The following DDAH1 variants were observed in gnomAD, a reference collection of about 807,000 sequenced individuals.
DDAH1 encodes N(G),N(G)-dimethylarginine dimethylaminohydrolase 1.
A neutral mutation model predicts 28.8 loss-of-function variants in DDAH1; 19 were observed. The observed-to-expected ratio is 0.66, with a 90% confidence interval of 0.46 to 0.97. DDAH1 has a LOEUF of 0.97. Ranked by LOEUF, DDAH1 falls within the 50% of genes least tolerant of loss-of-function variation. The pLI is 0.00. For missense variants in DDAH1, 326 were observed against 375.9 expected (o/e 0.87, Z 1.10); for synonymous variants, 153 against 154.4 (o/e 0.99, Z 0.07).
intron 1 of DDAH1, among the ~76,000 whole-genome samples, chr1:85,371,101 T>C (rs976934731): frequency 2.0e-5 from 3 of 152,188 alleles, no homozygotes; most frequent in African/African-American, 7.2e-5. Flanking sequence ...TGTTGCGAAG[T>C]TTGGTAGCTG....
intron 4 of DDAH1, among the ~76,000 whole-genome samples, chr1:85,326,727 A>G (rs1180463615): frequency 2.0e-5 from 3 of 152,212 alleles, no homozygotes; most frequent in African/African-American, 7.2e-5. Context: ...TAGGTAAAGG[A>G]CTTAACTGGA....
intron 4 of DDAH1, among the ~76,000 whole-genome samples, chr1:85,339,849 A>G (rs554374684): frequency 6.6e-6 from 1 of 152,300 alleles, no homozygotes; most frequent in Admixed American, 6.5e-5. Flanking sequence ...TCCTCCTTCC[A>G]GCTCAACTGA....
chr1:85,471,738 G>C (rs1235406177), intron 2 of DDAH1, among the ~76,000 whole-genome samples: 1 of 152,178 alleles, frequency 6.6e-6, no homozygotes, highest in Non-Finnish European at 1.5e-5. Context: ...CTTCAAATGA[G>C]ATAACATAAA....
In DDAH1 at chr1:85,363,910, T is replaced by A. The variant is rs1378470873; in HGVS notation, c.304-5063A>T. Among the ~76,000 whole-genome samples, 6 of 151,740 alleles carry A rather than the reference T, an allele frequency of 4.0e-5. No homozygotes were observed. In the East Asian group the frequency reaches 1.2e-3, roughly 29 times the overall value. On this transcript the variant is annotated intron_variant, in intron 1 of 5. Coordinates refer to ENST00000284031, the MANE Select transcript of DDAH1 (RefSeq NM_012137.4). The stretch of plus-strand genomic sequence containing the variant: ...CAAATATTTGGTGGATGTCAACTTT[T>A]TTTTTTTTTTTTTTCAAATCAGGCT...
chr1:85,572,620 C>T (rs779877595), intron 1 of DDAH1, among the ~76,000 whole-genome samples: 1 of 152,218 alleles, frequency 6.6e-6, no homozygotes, highest in African/African-American at 2.4e-5. Context: ...GCCCAGGCCC[C>T]ATAGATGCTT....
intron 1 of DDAH1, among the ~76,000 whole-genome samples, chr1:85,570,363 G>GACACACACACAC (rs1557770693): frequency 2.2e-5 from 1 of 46,466 alleles, no homozygotes; most frequent in African/African-American, 6.9e-5. Flanking sequence ...CACACACACT[G>GACACACACACAC]TCACACACAC....
At chr1:85,552,875 G>A (rs1031775406) in intron 1 of DDAH1, among the ~76,000 whole-genome samples, 8 of 151,980 alleles carry the variant, frequency 5.3e-5, no homozygotes, top group African/African-American at 1.7e-4. Flanking sequence ...AGGTAGCCTC[G>A]CATCAAGAAA....
intron 1 of DDAH1, among the ~76,000 whole-genome samples, chr1:85,537,022 A>G (rs1177435730): frequency 3.3e-5 from 5 of 149,472 alleles, no homozygotes; most frequent in Non-Finnish European, 7.4e-5. Flanking sequence ...GTATATATAT[A>G]TACACAGTGG....
At chr1:85,480,841 C>T (rs1655986564) in intron 2 of DDAH1, among the ~76,000 whole-genome samples, 1 of 151,772 alleles carries the variant, frequency 6.6e-6, no homozygotes, top group African/African-American at 2.4e-5. Flanking sequence ...TTAAATAAAT[C>T]AAGGTATATC....
At position 85,464,148 on chromosome 1, in the gene DDAH1, C is replaced by T. The variant is rs1045261737; in HGVS notation, c.303+595G>A. On this transcript the variant is annotated intron_variant, in intron 1 of 5. Coordinates refer to ENST00000284031, the MANE Select transcript of DDAH1 (RefSeq NM_012137.4). The surrounding 1 kb of genome is among the most constrained non-coding windows in gnomAD (Gnocchi z 4.4). ...CCATTCATGCACACATTTAGCACAG[C>T]TCACCAACAAAACACTTTTCCTTCC... Among the ~76,000 whole-genome samples the T allele has an allele frequency of 2.0e-5, 3 of 152,200 alleles. No individual in the cohort carries two copies. Among genetic ancestry groups the T allele is most frequent in the Non-Finnish European group, 4.4e-5 (3 of 68,034 alleles).
intron 1 of DDAH1, among the ~76,000 whole-genome samples, chr1:85,415,267 G>C (rs771875160): frequency 1.3e-5 from 2 of 152,006 alleles, no homozygotes; most frequent in African/African-American, 2.4e-5. Context: ...ACCCACCTTG[G>C]CCTCCCAAAG....
chr1:85,559,774 T>A (rs12075050), intron 1 of DDAH1, among the ~76,000 whole-genome samples: 5,941 of 147,812 alleles, frequency 0.04, 359 homozygotes, highest in African/African-American at 0.14. Flanking sequence ...CAAATTAGAA[T>A]ATACCCAAAA....
upstream of DDAH1, chr1:85,467,683 T>C (rs1004635649): frequency 5.3e-5 from 8 of 152,238 alleles, no homozygotes; most frequent in Admixed American, 3.3e-4. Flanking sequence ...TTACATGCTT[T>C]CACACTTCAG....
chr1:85,430,609 C>T (rs994735328), intron 1 of DDAH1, among the ~76,000 whole-genome samples: 7 of 152,102 alleles, frequency 4.6e-5, no homozygotes, highest in Non-Finnish European at 7.4e-5. Context: ...TGAAGAGGTT[C>T]GTCACATCCC....
At chr1:85,421,553 A>G (rs140305694) in intron 1 of DDAH1, among the ~76,000 whole-genome samples, 10 of 152,248 alleles carry the variant, frequency 6.6e-5, no homozygotes, top group Admixed American at 1.3e-4. Flanking sequence ...TAATTATAGT[A>G]TCATATAGAA....
chr1:85,428,257 G>A (rs545474530), intron 1 of DDAH1, among the ~76,000 whole-genome samples: 82 of 152,234 alleles, frequency 5.4e-4, no homozygotes, highest in Admixed American at 1.7e-3. Context: ...CTTGAGACTG[G>A]GTAATTTACA....
rs973114454 is a variant in DDAH1 at position 85,351,192 on chromosome 1, G to A, written c.477+314C>T. Among the ~76,000 whole-genome samples the A allele has an allele frequency of 4.0e-5, 6 of 151,838 alleles. 1 individual carries two copies. Among genetic ancestry groups the A allele is most frequent in the Middle Eastern group, 6.8e-3 (2 of 294 alleles). On this transcript the variant is annotated intron_variant, in intron 3 of 5. Transcript: ENST00000284031. ...ATTATAGGTGTGAGCCATCACGCCC[G>A]GCCTTCCAGATTTTTTTTTAAGTTG...
At chr1:85,508,606 C>T (rs1480924140) in intron 1 of DDAH1, among the ~76,000 whole-genome samples, 1 of 152,218 alleles carries the variant, frequency 6.6e-6, no homozygotes, top group Non-Finnish European at 1.5e-5. Flanking sequence ...AAAAACAGGA[C>T]ACTTCTGCCC....
At chr1:85,490,926 T>C (rs1656374254) in intron 2 of DDAH1, among the ~76,000 whole-genome samples, 1 of 152,238 alleles carries the variant, frequency 6.6e-6, no homozygotes, top group Non-Finnish European at 1.5e-5. Context: ...CTTGGCTCCT[T>C]GAGCCAACTC....
Sources: allele counts gnomAD v4.1 joint callset (sites outside exome capture counted in the v4.1 genomes callset), GRCh38; gene constraint gnomAD v4.1.1; non-coding constraint Gnocchi (gnomAD v3.1); transcripts MANE v1.5; gene names NCBI Gene and HGNC (gene_info 2026-07-23, HGNC 2026-07-21).